ANKRD17: variants seen among roughly 807,000 people sequenced by gnomAD.
ANKRD17 encodes the protein ankyrin repeat domain 17, also known as ankyrin repeat domain-containing protein 17.
Under a neutral mutation model 229.7 loss-of-function variants are expected in ANKRD17, and 19 were observed. The observed-to-expected ratio is 0.08, with a 90% CI of 0.06 to 0.12. ANKRD17 has a LOEUF of 0.12. Ranked by LOEUF, ANKRD17 falls within the 10% of genes least tolerant of loss-of-function variation. The pLI, the probability that ANKRD17 is intolerant of heterozygous loss-of-function variation, is 1.00. For synonymous variants in ANKRD17, 1,112 were observed against 1,146.1 expected, an observed-to-expected ratio of 0.97 and a Z score of 0.60; for missense variants, 2,176 against 3,176.8, an observed-to-expected ratio of 0.68 and a Z score of 7.57.
At chr4:73,178,049 T>C (rs1474583624) in intron 1 of ANKRD17, among the ~76,000 whole-genome samples, 1 of 152,168 alleles carries the variant, frequency 6.6e-6, no homozygotes, top group Non-Finnish European at 1.5e-5. Flanking sequence ...CCAAAAAGTC[T>C]TTAAGTACTG....
chr4:73,085,341 G>A lies in ANKRD17; in HGVS notation c.7067C>T (p.Ala2356Val), dbSNP rs756020462. 1.3e-5 allele frequency: 21 copies of A among 1,614,100 alleles called. No homozygotes were observed. Among genetic ancestry groups the A allele is most frequent in the Non-Finnish European group, 1.8e-5 (21 of 1,180,020 alleles). ...AGCTGCGGGTGCTCCTCCAAGGGGT[G>A]CCCCAGGTCCGTACATCTGACCTCC... ...ISGGQMYGPG[A>V]PLGGAPAAAN... The change falls in exon 30 of 34, where the codon GCA becomes GTA. Residue 2356 changes from alanine to valine, a missense_variant. By Grantham distance (64) the Ala-to-Val change is moderately conservative (BLOSUM62 0). Coordinates refer to ENST00000358602, the MANE Select transcript of ANKRD17 (RefSeq NM_032217.5).
At chr4:73,093,133 CTCTCCTATA>C (rs1722944755) in intron 28 of ANKRD17, among the ~76,000 whole-genome samples, 1 of 152,108 alleles carries the variant, frequency 6.6e-6, no homozygotes, top group Admixed American at 6.5e-5. Flanking sequence ...TAACTATTAG[CTCTCCTATA>C]TAATGCAAAG....
At chr4:73,162,543 C>A (rs544347798) in intron 2 of ANKRD17, among the ~76,000 whole-genome samples, 1 of 151,924 alleles carries the variant, frequency 6.6e-6, no homozygotes, top group Admixed American at 6.6e-5. Context: ...CATCTGTGAA[C>A]AAAATATGGC....
intron 24 of ANKRD17, among the ~76,000 whole-genome samples, chr4:73,110,089 A>G (rs1047992476): frequency 6.6e-6 from 1 of 151,994 alleles, no homozygotes; most frequent in Non-Finnish European, 1.5e-5. Flanking sequence ...GGTAGAGGAA[A>G]AAAACTAAAA....
chr4:73,214,349 G>C (rs191577940), intron 1 of ANKRD17, among the ~76,000 whole-genome samples: 55 of 152,298 alleles, frequency 3.6e-4, no homozygotes, highest in African/African-American at 1.3e-3. Context: ...CCCTTAATGA[G>C]TGTAAACTTG....
chr4:73,176,612 A>C (rs1188188478), intron 2 of ANKRD17, among the ~76,000 whole-genome samples: 2 of 152,134 alleles, frequency 1.3e-5, no homozygotes, highest in African/African-American at 4.8e-5. Context: ...ATCAAAAAAA[A>C]AAAGTTAGAA....
At chr4:73,206,817 A>G (rs34922338) in intron 1 of ANKRD17, among the ~76,000 whole-genome samples, 55,253 of 151,952 alleles carry the variant, frequency 0.36, 10,578 homozygotes, top group South Asian at 0.46. Context: ...AAATTTGCTA[A>G]GAGAATAGAT....
Position 73,258,556 on chromosome 4 carries a change from C to G in ANKRD17, c.113G>C (p.Gly38Ala). The G allele has an allele frequency of 2.0e-6, 3 of 1,466,746 alleles. No individual in the cohort carries two copies. The highest frequency in any genetic ancestry group is 2.7e-6 in the Non-Finnish European group (3 of 1,119,736). 90.9% of individuals were successfully genotyped at this position (1,466,746 alleles called of 1,614,324 possible). ...GCGAGCTCTGCTGCTGCCGCCAACG[C>G]CGCCGCCGACCTCCGCCGCCGCGGG... ...GPPAAAEVGG[G>A]VGGSSRARSA... The change falls in exon 1 of 34, where the codon GGC becomes GCC. Residue 38 changes from glycine (G) to alanine (A), a missense_variant. By Grantham distance (60) the Gly-to-Ala change is moderately conservative. Coordinates refer to ENST00000358602, the MANE Select transcript of ANKRD17 (RefSeq NM_032217.5).
At chr4:73,199,221 CTGTGTGTGTGTGTGTGTG>C (rs10577503) in intron 1 of ANKRD17, among the ~76,000 whole-genome samples, 14 of 140,396 alleles carry the variant, frequency 1.0e-4, no homozygotes, top group African/African-American at 2.9e-4. Context: ...TACAGTTTGG[CTGTGTGTGTGTGTGTGTG>C]TGTGTGTGTG....
In ANKRD17 at chr4:73,098,327, T is replaced by C. The variant is rs112394982; in HGVS notation, c.4767A>G (p.Leu1589=). Reference sequence around the variant, plus strand: ...TCTCTGGCTGACTGTATGAAATTGGTAGTGGATCATCAAATATAATTTGAA... The same window carrying C: ...TCTCTGGCTGACTGTATGAAATTGGCAGTGGATCATCAAATATAATTTGAA... ...ENVQIIFDDP[L]PISYSQPEKV... Residue 1589 remains leucine, a synonymous_variant, in exon 26 of 34, where the codon CTA becomes CTG. Coordinates refer to ENST00000358602, the MANE Select transcript of ANKRD17 (RefSeq NM_032217.5). 6.8e-6 allele frequency: 11 copies of C among 1,614,214 alleles called. No homozygotes were observed. The highest frequency in any genetic ancestry group is 9.3e-6 in the Non-Finnish European group (11 of 1,180,036).
At chr4:73,122,654 T>C (rs1726898941) in intron 18 of ANKRD17, among the ~76,000 whole-genome samples, 2 of 152,084 alleles carry the variant, frequency 1.3e-5, no homozygotes, top group Non-Finnish European at 2.9e-5. Flanking sequence ...TAATAATATA[T>C]CCTAAAATAC....
At chr4:73,173,974 G>A (rs917619789) in intron 2 of ANKRD17, among the ~76,000 whole-genome samples, 1 of 150,394 alleles carries the variant, frequency 6.6e-6, no homozygotes, top group Non-Finnish European at 1.5e-5. Flanking sequence ...AACCCACAGG[G>A]TAAATGGGAA....
At chr4:73,179,518 AT>A (rs56182757) in intron 1 of ANKRD17, among the ~76,000 whole-genome samples, 462 of 40,774 alleles carry the variant, frequency 0.011, 10 homozygotes, top group African/African-American at 0.016. Flanking sequence ...ATATATATAT[AT>A]TTTTTTTTTT....
intron 1 of ANKRD17, among the ~76,000 whole-genome samples, chr4:73,251,565 T>C (rs1745030215): frequency 2.3e-5 from 2 of 85,608 alleles, no homozygotes; most frequent in Non-Finnish European, 4.4e-5. Context: ...AAAAGTTAGG[T>C]TTGGTGTAGG....
intron 1 of ANKRD17, among the ~76,000 whole-genome samples, chr4:73,221,894 C>T (rs1741904345): frequency 6.6e-6 from 1 of 152,138 alleles, no homozygotes; most frequent in South Asian, 2.1e-4. Flanking sequence ...TCCAAGCACA[C>T]ACTGAGGGAC....
At chr4:73,171,173 AGGGG>A (rs765362233) in intron 2 of ANKRD17, among the ~76,000 whole-genome samples, 1 of 64,216 alleles carries the variant, frequency 1.6e-5, no homozygotes, top group African/African-American at 6.1e-5. Context: ...CATGGCTCAG[AGGGG>A]GGAGAGAGAG....
intron 23 of ANKRD17, among the ~76,000 whole-genome samples, chr4:73,115,376 C>T (rs1436065004): frequency 1.3e-5 from 2 of 152,172 alleles, no homozygotes; most frequent in African/African-American, 4.8e-5. Flanking sequence ...CTGCAACCTC[C>T]ACCTTCCGGG....
At chr4:73,162,318 G>A (rs576727755) in intron 2 of ANKRD17, among the ~76,000 whole-genome samples, 30 of 152,122 alleles carry the variant, frequency 2.0e-4, no homozygotes, top group African/African-American at 7.0e-4. Context: ...CCAAAGTACT[G>A]GGATTATAGG....
chr4:73,190,250 T>A (rs961238873), intron 1 of ANKRD17, among the ~76,000 whole-genome samples: 1 of 151,980 alleles, frequency 6.6e-6, no homozygotes, highest in Non-Finnish European at 1.5e-5. Context: ...GTGCCTGTAA[T>A]CCCAGCTACT....
Sources: gnomAD v4.1 joint callset for allele counts (sites outside exome capture counted in the v4.1 genomes callset) on GRCh38, gnomAD v4.1.1 for gene constraint, MANE v1.5 for transcripts, NCBI Gene and HGNC (gene_info 2026-07-23, HGNC 2026-07-21) for gene names.